KCNJ6: variants seen among roughly 807,000 people sequenced by gnomAD.
KCNJ6 encodes G protein-activated inward rectifier potassium channel 2.
A neutral mutation model predicts 34.2 loss-of-function variants in KCNJ6; 9 were observed. The observed-to-expected ratio is 0.26, with a 90% CI of 0.16 to 0.46. The LOEUF is 0.46. KCNJ6 is among the 20% of genes least tolerant of loss of function. The pLI is 1.00. For missense variants in KCNJ6, 236 were observed against 531.3 expected, an observed-to-expected ratio of 0.44 and a Z score of 5.46; for synonymous variants, 196 against 207.1, an observed-to-expected ratio of 0.95 and a Z score of 0.46.
chr21:37,761,360 GTGTGTGTGTATATT>G (rs2055061875), intron 2 of KCNJ6, among the ~76,000 whole-genome samples: 1 of 150,754 alleles, frequency 6.6e-6, no homozygotes, highest in African/African-American at 2.4e-5. Context: ...GTTGTATGTA[GTGTGTGTGTATATT>G]TGTGTGTGTT....
At chr21:37,774,587 G>A (rs1240354056) in intron 2 of KCNJ6, among the ~76,000 whole-genome samples, 8 of 110,094 alleles carry the variant, frequency 7.3e-5, no homozygotes, top group Admixed American at 6.8e-4. Context: ...ACCTATGAGT[G>A]AGAACATGCA....
chr21:37,753,231 C>T (rs1009920395), intron 2 of KCNJ6, among the ~76,000 whole-genome samples: 16 of 152,264 alleles, frequency 1.1e-4, no homozygotes, highest in East Asian at 3.9e-4. Context: ...ACCAGAAGCA[C>T]GGATTGAACC....
chr21:37,735,758 T>A (rs858024), intron 2 of KCNJ6, among the ~76,000 whole-genome samples: 6 of 152,288 alleles, frequency 3.9e-5, no homozygotes, highest in African/African-American at 1.4e-4. Context: ...GAGCAGCCAC[T>A]TGGAGGATGC....
chr21:37,864,871 C>CTT (rs67735635), intron 1 of KCNJ6, among the ~76,000 whole-genome samples: 201 of 142,800 alleles, frequency 1.4e-3, no homozygotes, highest in African/African-American at 5.0e-3. Context: ...GTCTCTCTCT[C>CTT]TTTTTTTTTT....
intron 2 of KCNJ6, among the ~76,000 whole-genome samples, chr21:37,740,044 T>G (rs1315947998): frequency 6.6e-6 from 1 of 152,200 alleles, no homozygotes; most frequent in African/African-American, 2.4e-5. Context: ...CAGTGTGGCT[T>G]GTGGAGGAAG....
At position 37,617,183 on chromosome 21, in the gene KCNJ6, T is replaced by TCCTTCCTA. The variant is rs2054275103; in HGVS notation, c.*7975_*7976insTAGGAAGG. The TCCTTCCTA allele has an allele frequency of 7.3e-6, 1 of 136,998 alleles. No homozygotes were observed. Among genetic ancestry groups the TCCTTCCTA allele is most frequent in the Non-Finnish European group, 1.5e-5 (1 of 65,088 alleles). The allele number at this position is 136,998 out of a possible 1,614,324, so 8.5% of individuals were successfully genotyped here. ...TCTTTATCTTTTTTCCTTCCTTCCT[T>TCCTTCCTA]CCTTCCTTCCTTCCTTCCTTCCTTC... is the stretch of plus-strand genomic sequence containing the variant. On this transcript the variant is annotated 3_prime_UTR_variant, in exon 4 of 4. Transcript: ENST00000609713.
intron 2 of KCNJ6, among the ~76,000 whole-genome samples, chr21:37,733,455 G>C (rs1046936479): frequency 1.3e-5 from 2 of 152,074 alleles, no homozygotes; most frequent in African/African-American, 4.8e-5. Context: ...CTAGATTTGG[G>C]GTTTCAAAGA....
At chr21:37,640,378 A>G (rs1229440385) in intron 3 of KCNJ6, among the ~76,000 whole-genome samples, 2 of 152,228 alleles carry the variant, frequency 1.3e-5, no homozygotes, top group Non-Finnish European at 2.9e-5. Context: ...GGGGAAAACA[A>G]TGACCAGATT....
At chr21:37,737,989 C>T (rs918269424) in intron 2 of KCNJ6, among the ~76,000 whole-genome samples, 1 of 152,168 alleles carries the variant, frequency 6.6e-6, no homozygotes, top group Non-Finnish European at 1.5e-5. Flanking sequence ...CTGGCCAGCT[C>T]TCCAGGAAGC....
intron 2 of KCNJ6, among the ~76,000 whole-genome samples, chr21:37,751,108 G>C (rs527964239): frequency 2.0e-5 from 3 of 152,170 alleles, no homozygotes; most frequent in African/African-American, 4.8e-5. Context: ...ATATTTTTGA[G>C]GGTGCTGAAG....
At chr21:37,820,141 T>C (rs2055367160) in intron 2 of KCNJ6, among the ~76,000 whole-genome samples, 1 of 152,164 alleles carries the variant, frequency 6.6e-6, no homozygotes, top group Admixed American at 6.5e-5. Context: ...GAAAACAAAC[T>C]GCAACTAATT....
At chr21:37,893,874 T>C (rs1433614757) in intron 1 of KCNJ6, among the ~76,000 whole-genome samples, 1 of 152,204 alleles carries the variant, frequency 6.6e-6, no homozygotes, top group Non-Finnish European at 1.5e-5. Context: ...AGAGATGCTA[T>C]AGACAGATAA....
chr21:37,808,599 G>A (rs1336073031), intron 2 of KCNJ6, among the ~76,000 whole-genome samples: 1 of 152,116 alleles, frequency 6.6e-6, no homozygotes, highest in East Asian at 1.9e-4. Flanking sequence ...ATAATGTTCT[G>A]CTTTAGGCCC....
chr21:37,824,470 G>C (rs1360520887), intron 2 of KCNJ6, among the ~76,000 whole-genome samples: 2 of 152,022 alleles, frequency 1.3e-5, no homozygotes, highest in African/African-American at 2.4e-5. Flanking sequence ...TGTAGGGGGT[G>C]GGGGGCAAGT....
intron 2 of KCNJ6, among the ~76,000 whole-genome samples, chr21:37,824,648 A>T (rs189686005): frequency 1.4e-4 from 21 of 152,114 alleles, no homozygotes; most frequent in African/African-American, 4.6e-4. Flanking sequence ...CTCTCATGAG[A>T]TCTGATGGTT....
intron 2 of KCNJ6, among the ~76,000 whole-genome samples, chr21:37,778,375 A>G (rs975327541): frequency 6.6e-6 from 1 of 152,184 alleles, no homozygotes; most frequent in African/African-American, 2.4e-5. Flanking sequence ...CCACCTCTTA[A>G]TAGACAACTG....
rs1296106249 is a variant in KCNJ6, at chr21:37,610,628, A to G, written c.*14531T>C. On this transcript the variant is annotated 3_prime_UTR_variant, in exon 4 of 4. Transcript: ENST00000609713. ...AAAAAAAAAAAAAAAAAAGGAATAC[A>G]AGTCCTACAATGTTTGCTCTTAGAT... The G allele has an allele frequency of 1.3e-5, 2 of 148,536 alleles. No individual in the cohort carries two copies. The highest frequency in any genetic ancestry group is 3.0e-5 in the Non-Finnish European group (2 of 67,006). The allele number at this position is 148,536 out of a possible 1,614,324, so 9.2% of individuals were successfully genotyped here. A position where few individuals can be genotyped will look rare whatever the true frequency, so the allele number is the denominator to read the frequency against.
intron 2 of KCNJ6, among the ~76,000 whole-genome samples, chr21:37,758,302 G>A (rs1391200537): frequency 6.6e-6 from 1 of 152,170 alleles, no homozygotes; most frequent in East Asian, 1.9e-4. Flanking sequence ...TGGGATCATC[G>A]TATTTGCATT....
At position 37,783,359 on chromosome 21, in the gene KCNJ6, G is replaced by A. The variant is rs138271791; in HGVS notation, c.25+57299C>T. On this transcript the variant is annotated intron_variant, in intron 2 of 3. Transcript: ENST00000609713. ...GGTGGACAATAATTTGAATCACAGG[G>A]ATGGTTTCCCCTATCCTGTTCTCAT... Among the ~76,000 whole-genome samples, 6 of 152,266 alleles carry A rather than the reference G, an allele frequency of 3.9e-5. No homozygotes were observed. The East Asian group carries it at 1.2e-3, about 29-fold the overall frequency.
Sources: allele counts gnomAD v4.1 joint callset (sites outside exome capture counted in the v4.1 genomes callset), GRCh38; gene constraint gnomAD v4.1.1; transcripts MANE v1.5; gene names NCBI Gene and HGNC (gene_info 2026-07-23, HGNC 2026-07-21).